PCSK5: variants seen among roughly 807,000 people sequenced by gnomAD.
PCSK5 encodes prohormone convertase 5.
PCSK5 carries 129 observed loss-of-function variants against 233.2 expected under a neutral mutation model. That is an observed-to-expected ratio of 0.55 (90% CI 0.48 to 0.64). PCSK5 has a LOEUF of 0.64. PCSK5 is among the 30% of genes least tolerant of loss of function. The pLI, the probability that PCSK5 is intolerant of heterozygous loss-of-function variation, is 0.00. For synonymous variants in PCSK5, 825 were observed against 879.2 expected (o/e 0.94, Z 1.09); for missense variants, 2,076 against 2,430.1 (o/e 0.85, Z 3.06).
chr9:76,023,627 C>A, intron 3 of PCSK5, 111 bp from the exon 4 acceptor site: 1 of 989,054 alleles, frequency 1.0e-6, no homozygotes, highest in Non-Finnish European at 1.5e-6. Context: ...CACACTACTA[C>A]ACTCCAGCCT....
chr9:76,037,305 G>A (rs1331126397), intron 5 of PCSK5, among the ~76,000 whole-genome samples: 1 of 152,184 alleles, frequency 6.6e-6, no homozygotes, highest in Non-Finnish European at 1.5e-5. Flanking sequence ...AGAAGCTGGA[G>A]CTTGGATCTC....
intron 24 of PCSK5, among the ~76,000 whole-genome samples, chr9:76,243,191 C>T (rs1368212259): frequency 1.3e-5 from 2 of 152,326 alleles, no homozygotes; most frequent in East Asian, 1.9e-4. Context: ...GTTTGATTTA[C>T]TTGATTTACT....
At chr9:76,232,227 A>G (rs961108595) in intron 21 of PCSK5, among the ~76,000 whole-genome samples, 2 of 152,188 alleles carry the variant, frequency 1.3e-5, no homozygotes, top group Non-Finnish European at 2.9e-5. Flanking sequence ...TGTCCAGCAT[A>G]AGTGGAGAGG....
chr9:76,133,893 A>G (rs1822862046), intron 9 of PCSK5, among the ~76,000 whole-genome samples: 1 of 152,080 alleles, frequency 6.6e-6, no homozygotes, highest in Non-Finnish European at 1.5e-5. Context: ...TCTTCAGTTT[A>G]AGGTTACATT....
At chr9:75,993,358 C>A (rs1477422089) in intron 3 of PCSK5, among the ~76,000 whole-genome samples, 1 of 152,126 alleles carries the variant, frequency 6.6e-6, no homozygotes, top group East Asian at 1.9e-4. Context: ...GTATTTACCT[C>A]TCTCAACCTT....
At chr9:76,012,757 C>G (rs1205298217) in intron 3 of PCSK5, among the ~76,000 whole-genome samples, 1 of 152,136 alleles carries the variant, frequency 6.6e-6, no homozygotes, top group East Asian at 1.9e-4. Context: ...GGCAAGAAAG[C>G]AAAGTTGAAT....
intron 10 of PCSK5, 102 bp from the exon 11 acceptor site, chr9:76,156,943 T>C (rs979389162): frequency 5.4e-6 from 4 of 738,410 alleles, no homozygotes; most frequent in Non-Finnish European, 9.8e-6. Context: ...GCTGGAAAGA[T>C]AGCTAGGATC....
At chr9:76,171,918 GT>G (rs1255026635) in intron 13 of PCSK5, among the ~76,000 whole-genome samples, 10 of 152,012 alleles carry the variant, frequency 6.6e-5, no homozygotes, top group Non-Finnish European at 5.9e-5. Context: ...GACTTTGAGT[GT>G]CCTGTTTATG....
chr9:76,208,951 A>G (rs1043446408), intron 20 of PCSK5, among the ~76,000 whole-genome samples: 3 of 152,172 alleles, frequency 2.0e-5, no homozygotes, highest in Non-Finnish European at 4.4e-5. Context: ...TTGTCAACTG[A>G]TATCATTCTC....
intron 37 of PCSK5, among the ~76,000 whole-genome samples, chr9:76,355,015 T>C (rs1830262480): frequency 6.6e-6 from 1 of 152,148 alleles, no homozygotes; most frequent in African/African-American, 2.4e-5. Flanking sequence ...CTCAGAGACT[T>C]ATGACATTTT....
At chr9:75,959,588 A>G (rs779024034) in intron 2 of PCSK5, among the ~76,000 whole-genome samples, 9 of 152,198 alleles carry the variant, frequency 5.9e-5, no homozygotes, top group Non-Finnish European at 1.2e-4. Context: ...AAGTGTTTGT[A>G]TTAACCCAGT....
chr9:76,310,996 C>A, intron 30 of PCSK5, 145 bp downstream of exon 30: 1 of 574,292 alleles, frequency 1.7e-6, no homozygotes, highest in Non-Finnish European at 3.0e-6. Context: ...CATGGGTGTG[C>A]GCCACAGCAG....
At chr9:76,344,793 A>C (rs554768538) in intron 35 of PCSK5, among the ~76,000 whole-genome samples, 1 of 152,266 alleles carries the variant, frequency 6.6e-6, no homozygotes, top group South Asian at 2.1e-4. Flanking sequence ...AGTGTTGTGC[A>C]GTGGGCGGCG....
chr9:76,138,600 G>A (rs1016604880), intron 10 of PCSK5, among the ~76,000 whole-genome samples: 6 of 152,028 alleles, frequency 3.9e-5, no homozygotes, highest in African/African-American at 7.2e-5. Flanking sequence ...TTCTTGGCCC[G>A]AGTCCTTATC....
In PCSK5 at chr9:76,107,279, C is replaced by T; in HGVS notation, c.1136C>T (p.Thr379Met). 1.2e-6 allele frequency: 2 copies of T among 1,613,652 alleles called. No homozygotes were observed. Among genetic ancestry groups the T allele is most frequent in the Non-Finnish European group, 1.7e-6 (2 of 1,179,694 alleles). The change falls in exon 9 of 38, where the codon ACG becomes ATG. Residue 379 changes from threonine (T) to methionine (M), a missense_variant. Physicochemically the swap from Thr to Met is moderately conservative, Grantham distance 81. Around this residue, in one of 6 missense-constraint regions of PCSK5, gnomAD observed 178 missense variants for 393.6 expected, o/e 0.45. Transcript: ENST00000674117. The stretch of plus-strand genomic sequence containing the variant: ...ACTACAGATCTGAGGCAGCGTTGCA[C>T]GGACAACCACACTGGGACGTCAGCC... The part of the protein sequence containing the change: ...IITTDLRQRC[T>M]DNHTGTSASA...
chr9:76,336,425 T>A (rs1261950822), intron 34 of PCSK5, among the ~76,000 whole-genome samples: 1 of 152,162 alleles, frequency 6.6e-6, no homozygotes, highest in Non-Finnish European at 1.5e-5. Flanking sequence ...CAGAGATGAA[T>A]CAGATGACCT....
chr9:75,900,347 C>T (rs745522770), intron 1 of PCSK5, among the ~76,000 whole-genome samples: 17 of 152,134 alleles, frequency 1.1e-4, no homozygotes, highest in Non-Finnish European at 1.9e-4. Flanking sequence ...GTATCTGACA[C>T]ACAAATACTC....
intron 15 of PCSK5, among the ~76,000 whole-genome samples, chr9:76,180,277 G>C (rs1390417899): frequency 2.0e-5 from 3 of 151,856 alleles, no homozygotes; most frequent in Non-Finnish European, 4.4e-5. Flanking sequence ...GTCATCATGA[G>C]GTACAATAGA....
intron 5 of PCSK5, among the ~76,000 whole-genome samples, chr9:76,049,019 A>T (rs1019661313): frequency 2.0e-5 from 3 of 152,110 alleles, no homozygotes; most frequent in African/African-American, 7.2e-5. Context: ...TAGAAATTAG[A>T]GATAGGCAGA....
Sources: gnomAD v4.1 joint callset for allele counts (sites outside exome capture counted in the v4.1 genomes callset) on GRCh38, gnomAD v4.1.1 for gene constraint, gnomAD v4.1.1 regional missense constraint, MANE v1.5 for transcripts, NCBI Gene and HGNC (gene_info 2026-07-23, HGNC 2026-07-21) for gene names.